Variants in INTS12 observed in about 807,000 individuals in gnomAD.
INTS12 encodes PHD finger protein 22.
Under a neutral mutation model 41.6 loss-of-function variants are expected in INTS12, and 13 were observed. That is an observed-to-expected ratio of 0.31 (90% confidence interval 0.20 to 0.50). The LOEUF (loss-of-function observed/expected upper bound fraction) is 0.50. Among genes scored for constraint, INTS12 ranks in the 20% least tolerant of loss-of-function variants. INTS12 has a pLI of 0.98. For missense variants in INTS12, 432 were observed against 541.6 expected (o/e 0.80, Z 2.01); for synonymous variants, 199 against 191.4 (o/e 1.04, Z -0.33).
chr4:105,686,861 T>A (rs1476777102), intron 6 of INTS12, 23 bp from the exon 7 acceptor site: 1 of 1,608,458 alleles, frequency 6.2e-7, no homozygotes, highest in South Asian at 1.1e-5. Context: ...GTGGATTAAA[T>A]CAGATACAAA....
At chr4:105,686,917 A>C in intron 6 of INTS12, 79 bp from the exon 7 acceptor site, 27 of 1,226,632 alleles carry the variant, frequency 2.2e-5, no homozygotes, top group Non-Finnish European at 3.0e-5. Context: ...CACAGGACTC[A>C]TCACTGAAAT....
chr4:105,684,276 T>C (rs1054494262), intron 7 of INTS12, among the ~76,000 whole-genome samples: 1 of 152,164 alleles, frequency 6.6e-6, no homozygotes, highest in African/African-American at 2.4e-5. Flanking sequence ...TCAAATTAAT[T>C]TTGAATTGAA....
rs537289525 is a variant in INTS12 at position 105,695,043 on chromosome 4, C to G, written c.309+473G>C. ...GGGCTCAAGCAATCCTCCCACCCCC[C>G]ACCCGCCCACAAACAGCTGGGACTA... On this transcript the variant is annotated intron_variant, in intron 4 of 7. Transcript: ENST00000340139. Among the ~76,000 whole-genome samples the G allele has an allele frequency of 1.1e-4, 14 of 128,980 alleles. No homozygotes were observed. The East Asian group carries it at 3.5e-3, about 32-fold the overall frequency. 84.6% of individuals were successfully genotyped at this position (128,980 alleles called of 152,430 possible).
chr4:105,708,525 C>T lies in INTS12; in HGVS notation c.-172+113G>A, dbSNP rs777249029. ...GCAACCGCCCGTAAATTATGATTCC[C>T]CTTGAGGAGCGAGGAAACTAATACC... On this transcript the variant is annotated intron_variant, in intron 1 of 7. Transcript: ENST00000340139. 274 of 985,322 alleles carry T rather than the reference C, an allele frequency of 2.8e-4. 1 individual carries two copies. The highest frequency in any genetic ancestry group is 1.0e-3 in the Middle Eastern group (2 of 1,936). The allele number at this position is 985,322 out of a possible 1,614,324, so 61.0% of individuals were successfully genotyped here. A position where few individuals can be genotyped will look rare whatever the true frequency, so the allele number is the denominator to read the frequency against.
chr4:105,696,443 T>C (rs777678431), intron 3 of INTS12, among the ~76,000 whole-genome samples: 11 of 152,226 alleles, frequency 7.2e-5, no homozygotes, highest in Non-Finnish European at 1.3e-4. Flanking sequence ...TTCCTAGAAA[T>C]TTATATAAAT....
intron 2 of INTS12, among the ~76,000 whole-genome samples, chr4:105,702,125 T>C (rs888625269): frequency 6.7e-6 from 1 of 149,844 alleles, no homozygotes; most frequent in African/African-American, 2.5e-5. Context: ...AATTTATTTC[T>C]ATTTCTTTTT....
Position 105,708,670 on chromosome 4 carries a change from C to T in INTS12, c.-204G>A. On this transcript the variant is annotated 5_prime_UTR_variant, in exon 1 of 8. Coordinates refer to ENST00000340139, the MANE Select transcript of INTS12 (RefSeq NM_020395.4). The stretch of plus-strand genomic sequence containing the variant: ...CCCCGCCCTGCCGATCCGTCTGTTC[C>T]CGGTGGTCCCTTCGGAAACGGTTCC... 1.1e-6 allele frequency: 1 copy of T among 923,234 alleles called. No homozygotes were observed. Among genetic ancestry groups the T allele is most frequent in the South Asian group, 5.0e-5 (1 of 20,026 alleles). The allele number at this position is 923,234 out of a possible 1,614,324, so 57.2% of individuals were successfully genotyped here.
At chr4:105,708,172 C>T in intron 1 of INTS12, 1 of 985,380 alleles carries the variant, frequency 1.0e-6, no homozygotes, top group Non-Finnish European at 1.2e-6. Flanking sequence ...CCTGGAATCG[C>T]AGGAGAAAAG....
intron 3 of INTS12, among the ~76,000 whole-genome samples, chr4:105,698,658 G>A (rs765214532): frequency 6.6e-6 from 1 of 152,150 alleles, no homozygotes; most frequent in Non-Finnish European, 1.5e-5. Context: ...TGATTTGGTC[G>A]ATCTGAACTC....
chr4:105,683,311 T>C lies in INTS12; in HGVS notation c.811A>G (p.Thr271Ala), dbSNP rs1731389834. 2 of 1,603,618 alleles carry C rather than the reference T, an allele frequency of 1.2e-6. No individual in the cohort carries two copies. Among genetic ancestry groups the C allele is most frequent in the African/African-American group, 1.3e-5 (1 of 74,274 alleles). ...AFKRTEVKTSTVISGNSSSAS... is the reference protein window; with the variant it reads ...AFKRTEVKTSAVISGNSSSAS... ...CTAGAAGAATTTCCTGAAATAACTG[T>C]GGATGTCTAAAAAAATAAAGTAAAT... Residue 271 changes from threonine to alanine, a missense_variant, in exon 8 of 8, where the codon ACA (threonine) becomes GCA (alanine). Thr to Ala is a moderately conservative substitution (Grantham distance 58). Around this residue, in one of 3 missense-constraint regions of INTS12, gnomAD observed 258 missense variants for 309.9 expected, o/e 0.83. Transcript: ENST00000340139.
chr4:105,693,245 G>C, intron 5 of INTS12, 54 bp downstream of exon 5: 3 of 1,389,652 alleles, frequency 2.2e-6, no homozygotes, highest in South Asian at 1.6e-5. Context: ...GAGTGGAAAG[G>C]GTCATGTGTT....
In INTS12 at chr4:105,708,585, G is replaced by T; in HGVS notation, c.-172+53C>A. 4.1e-6 allele frequency: 4 copies of T among 985,256 alleles called. No homozygotes were observed. In the South Asian group the frequency reaches 1.4e-4, roughly 35 times the overall value. The allele number at this position is 985,256 out of a possible 1,614,324, so 61.0% of individuals were successfully genotyped here. A position where few individuals can be genotyped will look rare whatever the true frequency, so the allele number is the denominator to read the frequency against. On this transcript the variant is annotated intron_variant, in intron 1 of 7. Transcript: ENST00000340139. ...TACTCTCCCACCTCGCTCCTGGCGC[G>T]GGGGTCTCGAGCCTCCAGGAGGCCA...
At chr4:105,692,926 T>C (rs1425146521) in intron 5 of INTS12, among the ~76,000 whole-genome samples, 7 of 152,208 alleles carry the variant, frequency 4.6e-5, no homozygotes, top group Admixed American at 3.9e-4. Context: ...ATCAGATTAA[T>C]AGAATGAAGC....
chr4:105,694,663 T>C (rs1731798203), intron 4 of INTS12, among the ~76,000 whole-genome samples: 1 of 151,988 alleles, frequency 6.6e-6, no homozygotes, highest in Non-Finnish European at 1.5e-5. Flanking sequence ...AGAGAAATAA[T>C]CTAATGTAGT....
At position 105,683,249 on chromosome 4, in the gene INTS12, A is replaced by G. The variant is rs765178952; in HGVS notation, c.873T>C (p.Thr291=). The G allele has an allele frequency of 6.2e-7, 1 of 1,614,102 alleles. No homozygotes were observed. Among genetic ancestry groups the G allele is most frequent in the South Asian group, 1.1e-5 (1 of 91,084 alleles). Reference sequence around the variant, plus strand: ...TTTTGGCTGCAAAAGCTGCCCATCCAGTTAAGCCACTAGTTACTGACGAGG... The same window carrying G: ...TTTTGGCTGCAAAAGCTGCCCATCCGGTTAAGCCACTAGTTACTGACGAGG... The part of the protein sequence containing the change: ...SVSSSVTSGL[T]GWAAFAAKTS... The change falls in exon 8 of 8, where the codon ACT becomes ACC. Residue 291 remains threonine, a synonymous_variant. Coordinates refer to ENST00000340139, the MANE Select transcript of INTS12 (RefSeq NM_020395.4).
Position 105,686,784 on chromosome 4 carries a change from T to C in INTS12, c.712A>G (p.Thr238Ala), listed in dbSNP as rs1191341874. 6.2e-7 allele frequency: 1 copy of C among 1,613,828 alleles called. No individual in the cohort carries two copies. The highest frequency in any genetic ancestry group is 8.5e-7 in the Non-Finnish European group (1 of 1,179,844). Residue 238 changes from threonine (T) to alanine (A), a missense_variant, in exon 7 of 8, where the codon ACT becomes GCT. Coordinates refer to ENST00000340139, the MANE Select transcript of INTS12 (RefSeq NM_020395.4). Reference protein sequence around the residue: ...QKPAPAVVSVTPAVKDPLVKK... With the variant: ...QKPAPAVVSVAPAVKDPLVKK... ...ACCAATGGATCTTTGACAGCTGGAG[T>C]TACAGAAACAACTGCAGGGGCTGGT...
At chr4:105,703,092 T>C in intron 2 of INTS12, 1 of 874,600 alleles carries the variant, frequency 1.1e-6, no homozygotes, top group Non-Finnish European at 1.4e-6. Flanking sequence ...TCCTTTCCTG[T>C]ATATTCATTC....
In INTS12 at chr4:105,695,831, G is replaced by T. The variant is rs1413538347; in HGVS notation, c.157-163C>A. 14 of 647,154 alleles carry T rather than the reference G, an allele frequency of 2.2e-5. No homozygotes were observed. In the South Asian group the frequency reaches 2.5e-4, roughly 12 times the overall value. 40.1% of individuals were successfully genotyped at this position (647,154 alleles called of 1,614,324 possible). A position where few individuals can be genotyped will look rare whatever the true frequency, so the allele number is the denominator to read the frequency against. On this transcript the variant is annotated intron_variant, in intron 3 of 7. Coordinates refer to ENST00000340139, the MANE Select transcript of INTS12 (RefSeq NM_020395.4). Reference sequence around the variant, plus strand: ...TAAATAGCTTTATTGAGAAATAATTGATATACAAACTGTACCTTTTTTATT... The same window carrying T: ...TAAATAGCTTTATTGAGAAATAATTTATATACAAACTGTACCTTTTTTATT...
Position 105,699,949 on chromosome 4 carries a change from GAAACCTAGTGCTTTCAAAAAA to G in INTS12, c.36_56del (p.Phe13_Phe19del). The G allele has an allele frequency of 1.3e-6, 2 of 1,527,164 alleles. No homozygotes were observed. The highest frequency in any genetic ancestry group is 1.8e-6 in the Non-Finnish European group (2 of 1,121,128). The allele number at this position is 1,527,164 out of a possible 1,614,324, so 94.6% of individuals were successfully genotyped here. A position where few individuals can be genotyped will look rare whatever the true frequency, so the allele number is the denominator to read the frequency against. On this transcript the variant is annotated inframe_deletion, in exon 3 of 8. Transcript: ENST00000340139. ...CAGAATCTTTACTCTTTGAATGCAAGAAACCTAGTGCTTTCAAAAAAATGGGATCAAGTTCCAAGTTCACAG... is the reference window on the plus strand; with the variant it reads ...CAGAATCTTTACTCTTTGAATGCAAGATGGGATCAAGTTCCAAGTTCACAG...
Sources: gnomAD v4.1 joint callset for allele counts (sites outside exome capture counted in the v4.1 genomes callset) on GRCh38, gnomAD v4.1.1 for gene constraint, gnomAD v4.1.1 regional missense constraint, MANE v1.5 for transcripts, NCBI Gene and HGNC (gene_info 2026-07-23, HGNC 2026-07-21) for gene names.